CDK15: variants seen among roughly 807,000 people sequenced by gnomAD.
CDK15 encodes the protein cyclin-dependent kinase 15.
In CDK15, 62 loss-of-function variants were observed where a neutral mutation model predicts 60.3. That is an observed-to-expected ratio of 1.03 (90% CI 0.84 to 1.27). The LOEUF is 1.27. Ranked by LOEUF, CDK15 falls within the 50% of genes most tolerant of loss-of-function variation. CDK15 has a pLI of 0.00. For missense variants in CDK15, 541 were observed against 527.8 expected, an observed-to-expected ratio of 1.03 and a Z score of -0.25; for synonymous variants, 194 against 195.7, an observed-to-expected ratio of 0.99 and a Z score of 0.07.
At position 201,876,395 on chromosome 2, in the gene CDK15, G is replaced by A. The variant is rs138418630; in HGVS notation, c.1059-3633G>A. On this transcript the variant is annotated intron_variant, in intron 11 of 13. Coordinates refer to ENST00000652192, the MANE Select transcript of CDK15 (RefSeq NM_001366386.2). Reference sequence around the variant, plus strand: ...GCTCAATGTGCGATAGCAAGGCGGCGATTACTGGGGCACTTGCCAAAGGCC... The same window carrying A: ...GCTCAATGTGCGATAGCAAGGCGGCAATTACTGGGGCACTTGCCAAAGGCC... The A allele has an allele frequency of 6.5e-3, 2,449 of 374,428 alleles. 20 individuals carry two copies. Among genetic ancestry groups the A allele is most frequent in the Non-Finnish European group, 0.011 (2,007 of 189,512 alleles). 23.2% of individuals were successfully genotyped at this position (374,428 alleles called of 1,614,324 possible). A position where few individuals can be genotyped will look rare whatever the true frequency, so the allele number is the denominator to read the frequency against.
chr2:201,837,407 GGGGA>G (rs147319250), intron 8 of CDK15, among the ~76,000 whole-genome samples: 1,981 of 105,158 alleles, frequency 0.019, 102 homozygotes, highest in African/African-American at 0.068. Flanking sequence ...GGGGAGAGGT[GGGGA>G]GGGAGGGAGG....
chr2:201,833,909 G>T lies in CDK15; in HGVS notation c.668G>T (p.Arg223Met). 1.2e-6 allele frequency: 2 copies of T among 1,613,934 alleles called. No homozygotes were observed. Among genetic ancestry groups the T allele is most frequent in the Non-Finnish European group, 1.7e-6 (2 of 1,179,958 alleles). The change falls in exon 7 of 14, where the codon AGG becomes ATG. Residue 223 changes from arginine (R) to methionine (M), a missense_variant. Coordinates refer to ENST00000652192, the MANE Select transcript of CDK15 (RefSeq NM_001366386.2). ...ATCCACCACCAACACGTTCTTCACA[G>T]GGACCTGAAACCTCAGAACTTACTC... ...AYIHHQHVLH[R>M]DLKPQNLLIS...
chr2:201,847,532 A>C lies in CDK15; in HGVS notation c.945+58A>C, dbSNP rs1165040168. On this transcript the variant is annotated intron_variant, in intron 9 of 13. Coordinates refer to ENST00000652192, the MANE Select transcript of CDK15 (RefSeq NM_001366386.2). ...TATCTGCATTTTAAGTTTTGAACCA[A>C]ATTTGCCTTACAGACAAATGAAGCA... 4.9e-5 allele frequency: 72 copies of C among 1,472,384 alleles called. No homozygotes were observed. The East Asian group carries it at 1.6e-3, about 32-fold the overall frequency. 91.2% of individuals were successfully genotyped at this position (1,472,384 alleles called of 1,614,324 possible).
chr2:201,853,816 A>T (rs1698014368), intron 9 of CDK15, among the ~76,000 whole-genome samples: 1 of 151,838 alleles, frequency 6.6e-6, no homozygotes, highest in Non-Finnish European at 1.5e-5. Context: ...TTGGCTTTAT[A>T]CTCCGAAAGA....
At chr2:201,812,426 A>G in intron 3 of CDK15, 57 bp from the exon 4 acceptor site, 1 of 1,115,200 alleles carries the variant, frequency 9.0e-7, no homozygotes, top group Non-Finnish European at 1.3e-6. Flanking sequence ...TCTTTGGTAT[A>G]AATTGCTGCT....
rs1389271753 is a variant in CDK15, at chr2:201,836,055, A to ATT, written c.851+293_851+294insTT. On this transcript the variant is annotated intron_variant, in intron 8 of 13. Coordinates refer to ENST00000652192, the MANE Select transcript of CDK15 (RefSeq NM_001366386.2). ...ATATATTTTATATATATTTATATAT[A>ATT]TATTATATATATTTATATTTATATA... 1.7e-3 allele frequency among the ~76,000 whole-genome samples: 168 copies of ATT among 96,566 alleles called. 1 individual carries two copies. Among genetic ancestry groups the ATT allele is most frequent in the African/African-American group, 7.9e-3 (164 of 20,856 alleles). 63.4% of individuals were successfully genotyped at this position (96,566 alleles called of 152,430 possible). A position where few individuals can be genotyped will look rare whatever the true frequency, so the allele number is the denominator to read the frequency against.
intron 10 of CDK15, among the ~76,000 whole-genome samples, chr2:201,859,705 T>A (rs1224055946): frequency 6.6e-6 from 1 of 152,212 alleles, no homozygotes; most frequent in East Asian, 1.9e-4. Context: ...GGTCCTAAAC[T>A]AAGCATCTGA....
chr2:201,893,946 T>A lies in CDK15; in HGVS notation c.*679T>A, dbSNP rs1440243961. ...TGAATTTCAGGCTATCTCCTCCTAC[T>A]GAATCTTAATTGTCTGTGATGATGG... On this transcript the variant is annotated 3_prime_UTR_variant, in exon 14 of 14. Coordinates refer to ENST00000652192, the MANE Select transcript of CDK15 (RefSeq NM_001366386.2). 1 of 152,196 alleles carries A rather than the reference T, an allele frequency of 6.6e-6. No individual in the cohort carries two copies. Among genetic ancestry groups the A allele is most frequent in the Admixed American group, 6.5e-5 (1 of 15,274 alleles). The allele number at this position is 152,196 out of a possible 1,614,324, so 9.4% of individuals were successfully genotyped here. A position where few individuals can be genotyped will look rare whatever the true frequency, so the allele number is the denominator to read the frequency against.
intron 9 of CDK15, among the ~76,000 whole-genome samples, chr2:201,851,612 A>T (rs1380661105): frequency 6.6e-6 from 1 of 152,200 alleles, no homozygotes; most frequent in South Asian, 2.1e-4. Flanking sequence ...ATAAAGTTTC[A>T]ACATGAATTA....
chr2:201,806,777 C>G lies in CDK15; in HGVS notation c.113C>G (p.Ala38Gly). 1 of 1,598,426 alleles carries G rather than the reference C, an allele frequency of 6.3e-7. No homozygotes were observed. The highest frequency in any genetic ancestry group is 1.1e-5 in the South Asian group (1 of 91,054). ...CRRSQPETTEAAFKLTDLKEA... is the reference protein window; with the variant it reads ...CRRSQPETTEGAFKLTDLKEA... ...AGGAGTCAGCCTGAGACCACGGAGGCTGCGTTCAAGGTATTTGTATCCCAG... is the reference window on the plus strand; with the variant it reads ...AGGAGTCAGCCTGAGACCACGGAGGGTGCGTTCAAGGTATTTGTATCCCAG... The change falls in exon 1 of 14, where the codon GCT becomes GGT. Residue 38 changes from alanine to glycine, a missense_variant. Coordinates refer to ENST00000652192, the MANE Select transcript of CDK15 (RefSeq NM_001366386.2).
intron 3 of CDK15, 127 bp downstream of exon 3, chr2:201,808,079 C>A: frequency 1.5e-6 from 1 of 654,166 alleles, no homozygotes; most frequent in Non-Finnish European, 2.5e-6. Context: ...ACACCATGGC[C>A]GACAGGGAGA....
chr2:201,855,028 C>A, intron 10 of CDK15, 91 bp downstream of exon 10: 2 of 1,169,940 alleles, frequency 1.7e-6, no homozygotes, highest in Non-Finnish European at 1.3e-6. Flanking sequence ...GTATTGTGAA[C>A]TCAGCGGCAA....
chr2:201,875,019 A>G (rs1337450196), intron 11 of CDK15, among the ~76,000 whole-genome samples: 1 of 151,410 alleles, frequency 6.6e-6, no homozygotes, highest in Non-Finnish European at 1.5e-5. Context: ...AGGCTGTGCT[A>G]GGAAATCAAA....
chr2:201,860,628 A>G, intron 10 of CDK15: 4 of 1,108,206 alleles, frequency 3.6e-6, no homozygotes, highest in Non-Finnish European at 4.8e-6. Context: ...AAAAGGCAGG[A>G]AAGCGGTACT....
intron 4 of CDK15, among the ~76,000 whole-genome samples, chr2:201,816,462 T>A (rs995840099): frequency 6.8e-6 from 1 of 146,590 alleles, no homozygotes; most frequent in Non-Finnish European, 1.5e-5. Context: ...ATGGTTTTTT[T>A]TTTTTTTTTT....
At chr2:201,863,501 C>T (rs865963460) in intron 10 of CDK15, among the ~76,000 whole-genome samples, 2 of 152,158 alleles carry the variant, frequency 1.3e-5, no homozygotes, top group Non-Finnish European at 2.9e-5. Context: ...ATGGCTCAAA[C>T]CAGAGCCTCC....
intron 7 of CDK15, among the ~76,000 whole-genome samples, chr2:201,835,322 G>T (rs1310079497): frequency 6.6e-6 from 1 of 152,100 alleles, no homozygotes; most frequent in African/African-American, 2.4e-5. Context: ...AGGGAGAAAA[G>T]GGAAGCAGAA....
Position 201,882,981 on chromosome 2 carries a change from A to C in CDK15, c.1198+2814A>C, listed in dbSNP as rs1488738106. On this transcript the variant is annotated intron_variant, in intron 12 of 13. Transcript: ENST00000652192. The surrounding 1 kb of genome is among the most constrained non-coding windows in gnomAD (Gnocchi z 4.0). ...ACAGAGCACACCAGTGGGTAATCAC[A>C]GTTCCCAATCTGCAGGGACATAGAA... Among the ~76,000 whole-genome samples the C allele has an allele frequency of 2.6e-5, 4 of 152,162 alleles. No individual in the cohort carries two copies. Among genetic ancestry groups the C allele is most frequent in the Admixed American group, 2.6e-4 (4 of 15,288 alleles).
Position 201,854,898 on chromosome 2 carries a change from A to G in CDK15, c.970A>G (p.Thr324Ala), listed in dbSNP as rs769775034. Reference protein sequence around the residue: ...WEVLGVPTEDTWPGVSKLPNY... With the variant: ...WEVLGVPTEDAWPGVSKLPNY... The stretch of plus-strand genomic sequence containing the variant: ...GGTGCTGGGAGTCCCTACAGAGGAT[A>G]CTTGGCCGGGAGTCTCCAAGCTACC... The change falls in exon 10 of 14, where the codon ACT becomes GCT. Residue 324 changes from threonine to alanine, a missense_variant. Thr to Ala is a moderately conservative substitution (Grantham distance 58). Transcript: ENST00000652192. The G allele has an allele frequency of 1.2e-6, 2 of 1,614,096 alleles. No homozygotes were observed. The highest frequency in any genetic ancestry group is 2.2e-5 in the East Asian group (1 of 44,876).
Sources: gnomAD v4.1 joint callset for allele counts (sites outside exome capture counted in the v4.1 genomes callset) on GRCh38, gnomAD v4.1.1 for gene constraint, Gnocchi (gnomAD v3.1) non-coding constraint, MANE v1.5 for transcripts, NCBI Gene and HGNC (gene_info 2026-07-23, HGNC 2026-07-21) for gene names.